SYT16: variants seen among roughly 807,000 people sequenced by gnomAD.
The protein encoded by SYT16 is synaptotagmin 16.
In SYT16, 42 loss-of-function variants were observed where a neutral mutation model predicts 61.4. The observed-to-expected ratio is 0.68, with a 90% CI of 0.53 to 0.89. The LOEUF (loss-of-function observed/expected upper bound fraction) is 0.89. SYT16 is among the 40% of genes least tolerant of loss of function. The pLI is 0.00. For synonymous variants in SYT16, 314 were observed against 302.3 expected, an observed-to-expected ratio of 1.04 and a Z score of -0.40; for missense variants, 804 against 807.3, an observed-to-expected ratio of 1.00 and a Z score of 0.05.
At chr14:61,854,204 T>C (rs2140276099) in intron 1 of SYT16, among the ~76,000 whole-genome samples, 1 of 152,332 alleles carries the variant, frequency 6.6e-6, no homozygotes, top group South Asian at 2.1e-4. Context: ...TTAGTATTCA[T>C]TATGCAACTT....
chr14:62,075,805 C>T (rs1402383281), intron 5 of SYT16, among the ~76,000 whole-genome samples: 1 of 152,014 alleles, frequency 6.6e-6, no homozygotes, highest in African/African-American at 2.4e-5. Flanking sequence ...GCCCAAATCT[C>T]AAGTTACGAT....
intron 2 of SYT16, among the ~76,000 whole-genome samples, chr14:61,973,123 G>A (rs561194982): frequency 3.9e-5 from 6 of 152,156 alleles, no homozygotes; most frequent in Non-Finnish European, 8.8e-5. Flanking sequence ...AATTCCTTTC[G>A]ATTATGTGGT....
chr14:61,829,689 C>G (rs980835923), intron 1 of SYT16, among the ~76,000 whole-genome samples: 4 of 151,112 alleles, frequency 2.6e-5, no homozygotes, highest in African/African-American at 9.8e-5. Context: ...GAGTCTCGCT[C>G]TGTCGCCCAG....
At chr14:61,989,982 C>T (rs550811175) in intron 2 of SYT16, among the ~76,000 whole-genome samples, 44 of 152,182 alleles carry the variant, frequency 2.9e-4, no homozygotes, top group African/African-American at 9.4e-4. Flanking sequence ...CCTGAGTAGT[C>T]CCTTTTTATA....
intron 1 of SYT16, among the ~76,000 whole-genome samples, chr14:61,862,325 A>G (rs960941057): frequency 1.3e-5 from 2 of 152,128 alleles, no homozygotes; most frequent in Non-Finnish European, 2.9e-5. Flanking sequence ...CCATCATGAT[A>G]GTTTTGTCTT....
chr14:61,998,170 C>A (rs993576285), intron 3 of SYT16, among the ~76,000 whole-genome samples: 50 of 151,998 alleles, frequency 3.3e-4, no homozygotes, highest in Admixed American at 7.9e-4. Flanking sequence ...CTCATACTAA[C>A]ATTTACACAT....
intron 2 of SYT16, among the ~76,000 whole-genome samples, chr14:61,974,206 G>T (rs1401307931): frequency 6.6e-6 from 1 of 152,172 alleles, no homozygotes; most frequent in Admixed American, 6.5e-5. Flanking sequence ...GGGCAGAGAA[G>T]ATAGCAGAGG....
chr14:61,911,360 C>G (rs1218401499), intron 1 of SYT16, among the ~76,000 whole-genome samples: 1 of 152,114 alleles, frequency 6.6e-6, no homozygotes, highest in African/African-American at 2.4e-5. Context: ...TATTTTCTGT[C>G]TAAAGTAATA....
At chr14:61,971,610 A>AT (rs2051560090) in intron 2 of SYT16, among the ~76,000 whole-genome samples, 1 of 152,234 alleles carries the variant, frequency 6.6e-6, no homozygotes, top group Admixed American at 6.5e-5. Flanking sequence ...GTGTTTGTTC[A>AT]TTGAGCACAG....
intron 1 of SYT16, among the ~76,000 whole-genome samples, chr14:61,837,298 G>A (rs1048439653): frequency 3.7e-4 from 55 of 149,384 alleles, no homozygotes; most frequent in African/African-American, 1.3e-3. Flanking sequence ...GTGCAGTGGT[G>A]CGATCTTGGT....
At chr14:61,948,502 G>T (rs1346343522) in intron 1 of SYT16, among the ~76,000 whole-genome samples, 1 of 152,094 alleles carries the variant, frequency 6.6e-6, no homozygotes, top group African/African-American at 2.4e-5. Context: ...GAATGGTAAG[G>T]GTCTGATTGA....
intron 1 of SYT16, chr14:61,864,946 C>A: frequency 1.5e-6 from 2 of 1,309,346 alleles, no homozygotes; most frequent in African/African-American, 1.5e-5. Flanking sequence ...GCCTGCAGGC[C>A]TTGAAAGTGC....
intron 2 of SYT16, among the ~76,000 whole-genome samples, chr14:61,978,092 A>G (rs914852484): frequency 3.9e-5 from 6 of 152,136 alleles, no homozygotes; most frequent in East Asian, 1.9e-4. Flanking sequence ...GTAATCAAGG[A>G]ATCTAGTCTC....
chr14:61,869,891 C>T (rs1028774470), intron 1 of SYT16, among the ~76,000 whole-genome samples: 5 of 152,190 alleles, frequency 3.3e-5, no homozygotes, highest in Non-Finnish European at 7.4e-5. Flanking sequence ...ACTTCCCTCC[C>T]CACAGAACTG....
rs562554505 is a variant in SYT16 at position 62,005,684 on chromosome 14, C to T, written c.523+9142C>T. 2.6e-5 allele frequency among the ~76,000 whole-genome samples: 4 copies of T among 152,216 alleles called. No homozygotes were observed. The East Asian group carries it at 5.8e-4, about 22-fold the overall frequency. On this transcript the variant is annotated intron_variant, in intron 3 of 7. Transcript: ENST00000683842. ...GTGTGTAAGTAGATATGAGGAGGAACATTTCTCTATAAAGAGAGGTGTTAT... is the reference window on the plus strand; with the variant it reads ...GTGTGTAAGTAGATATGAGGAGGAATATTTCTCTATAAAGAGAGGTGTTAT...
chr14:61,960,070 G>T (rs965637671), intron 1 of SYT16, among the ~76,000 whole-genome samples: 2 of 152,164 alleles, frequency 1.3e-5, no homozygotes, highest in African/African-American at 4.8e-5. Context: ...GTGCTCAAGT[G>T]ATCTGCCCAC....
At chr14:61,832,079 C>T in intron 1 of SYT16, 5 of 725,192 alleles carry the variant, frequency 6.9e-6, no homozygotes, top group Non-Finnish European at 1.0e-5. Flanking sequence ...TCCACTCGTT[C>T]ACGCCCCTGT....
At chr14:61,968,135 C>G (rs1282186334) in intron 1 of SYT16, among the ~76,000 whole-genome samples, 2 of 152,092 alleles carry the variant, frequency 1.3e-5, no homozygotes, top group African/African-American at 2.4e-5. Flanking sequence ...GTGGCGCATG[C>G]CTGAAATCCC....
intron 7 of SYT16, among the ~76,000 whole-genome samples, chr14:62,097,220 A>T (rs1352926690): frequency 6.6e-6 from 1 of 152,178 alleles, no homozygotes; most frequent in Non-Finnish European, 1.5e-5. Context: ...TTAGCAAGAA[A>T]AAGGGAAGTG....
Sources: gnomAD v4.1 joint callset for allele counts (sites outside exome capture counted in the v4.1 genomes callset) on GRCh38, gnomAD v4.1.1 for gene constraint, MANE v1.5 for transcripts, NCBI Gene and HGNC (gene_info 2026-07-23, HGNC 2026-07-21) for gene names.